Variants in MAPKBP1 observed in about 807,000 individuals in gnomAD.
MAPKBP1 encodes the protein mitogen-activated protein kinase-binding protein 1.
Under a neutral mutation model 170.5 loss-of-function variants are expected in MAPKBP1, and 71 were observed. The observed-to-expected ratio is 0.42, with a 90% CI of 0.34 to 0.51. The LOEUF is 0.51. Among genes scored for constraint, MAPKBP1 ranks in the 20% least tolerant of loss-of-function variants. The pLI, the probability that MAPKBP1 is intolerant of heterozygous loss-of-function variation, is 0.06. For missense variants in MAPKBP1, 1,598 were observed against 1,933.0 expected (o/e 0.83, Z 3.25); for synonymous variants, 719 against 757.9 (o/e 0.95, Z 0.84).
intron 2 of MAPKBP1, among the ~76,000 whole-genome samples, chr15:41,794,075 T>A (rs1462809256): frequency 6.6e-6 from 1 of 151,848 alleles, no homozygotes; most frequent in Non-Finnish European, 1.5e-5. Context: ...CCACTAAAAA[T>A]ACAAAAATTA....
rs1259897137 is a variant in MAPKBP1 at position 41,827,794 on chromosome 15, G to C, written c.*2358G>C. ...CTCGGCTGCATGGGGCGGGGGCGCT[G>C]TTTTTAACGTGCCCGTTTGTACTGA... On this transcript the variant is annotated 3_prime_UTR_variant, in exon 31 of 31. Coordinates refer to ENST00000457542, the MANE Select transcript of MAPKBP1 (RefSeq NM_014994.3). The C allele has an allele frequency of 7.4e-6, 2 of 270,010 alleles. No homozygotes were observed. Among genetic ancestry groups the C allele is most frequent in the Admixed American group, 5.4e-5 (1 of 18,514 alleles). 16.7% of individuals were successfully genotyped at this position (270,010 alleles called of 1,614,324 possible).
intron 3 of MAPKBP1, among the ~76,000 whole-genome samples, chr15:41,802,016 T>G (rs1310422623): frequency 6.6e-6 from 1 of 152,174 alleles, no homozygotes; most frequent in Non-Finnish European, 1.5e-5. Flanking sequence ...TATAGCCTAC[T>G]ACATACCTAG....
At chr15:41,813,341 C>T (rs766778508) in intron 8 of MAPKBP1, 3 of 1,527,992 alleles carry the variant, frequency 2.0e-6, no homozygotes, top group Middle Eastern at 1.7e-4. Flanking sequence ...ACATAGACAG[C>T]TTCACAGTAA....
At chr15:41,810,170 C>T (rs1054751326) in intron 3 of MAPKBP1, among the ~76,000 whole-genome samples, 4 of 152,234 alleles carry the variant, frequency 2.6e-5, no homozygotes, top group Non-Finnish European at 5.9e-5. Context: ...AGCCTGTGAA[C>T]GGGCTGTGCA....
intron 3 of MAPKBP1, among the ~76,000 whole-genome samples, chr15:41,806,778 G>A (rs943558065): frequency 1.3e-5 from 2 of 152,206 alleles, no homozygotes; most frequent in African/African-American, 4.8e-5. Context: ...AGGGTCAGGG[G>A]ATGTGGAGAG....
At chr15:41,790,773 T>C (rs890454852) in intron 2 of MAPKBP1, among the ~76,000 whole-genome samples, 7 of 152,236 alleles carry the variant, frequency 4.6e-5, no homozygotes, top group African/African-American at 1.7e-4. Flanking sequence ...CTTCTTCAGC[T>C]GGCCATTGTG....
At chr15:41,799,754 A>G (rs2064556841) in intron 2 of MAPKBP1, 69 bp from the exon 3 acceptor site, 5 of 1,309,928 alleles carry the variant, frequency 3.8e-6, no homozygotes, top group Admixed American at 3.4e-5. Context: ...GATGGTCCCA[A>G]GTACCTTCAG....
At chr15:41,782,225 G>GC (rs2064202544) in intron 2 of MAPKBP1, among the ~76,000 whole-genome samples, 1 of 141,536 alleles carries the variant, frequency 7.1e-6, no homozygotes, top group South Asian at 2.2e-4. Flanking sequence ...TCGCGCCACT[G>GC]CCCTCCAGCC....
intron 12 of MAPKBP1, 146 bp downstream of exon 12, chr15:41,815,945 C>T (rs112640094): frequency 1.3e-6 from 1 of 791,156 alleles, no homozygotes; most frequent in Non-Finnish European, 2.0e-6. Flanking sequence ...AATGAGTAAA[C>T]CTAGCAGAAA....
intron 3 of MAPKBP1, among the ~76,000 whole-genome samples, chr15:41,808,109 T>C (rs138165134): frequency 0.046 from 6,392 of 139,954 alleles, 225 homozygotes; most frequent in African/African-American, 0.12. Flanking sequence ...TTCTTTCTTT[T>C]TTTTTTTTTT....
rs753055378 is a variant in MAPKBP1 at position 41,817,488 on chromosome 15, C to T, written c.1782+30C>T. Reference sequence around the variant, plus strand: ...GGGCGCTGGGCTTTCCTGAGAGGGGCGGGACAGGGCGGGGTCTGCCATTCC... The same window carrying T: ...GGGCGCTGGGCTTTCCTGAGAGGGGTGGGACAGGGCGGGGTCTGCCATTCC... On this transcript the variant is annotated intron_variant, in intron 15 of 30. Coordinates refer to ENST00000457542, the MANE Select transcript of MAPKBP1 (RefSeq NM_014994.3). The surrounding 1 kb of genome is among the most constrained non-coding windows in gnomAD (Gnocchi z 4.2). 3.0e-5 allele frequency: 17 copies of T among 558,340 alleles called. No homozygotes were observed. The highest frequency in any genetic ancestry group is 1.7e-4 in the East Asian group (3 of 18,162). 34.6% of individuals were successfully genotyped at this position (558,340 alleles called of 1,614,324 possible).
intron 9 of MAPKBP1, 62 bp downstream of exon 9, chr15:41,813,843 C>T: frequency 6.6e-7 from 1 of 1,504,118 alleles, no homozygotes; most frequent in East Asian, 2.3e-5. Context: ...TCTTTCTTGT[C>T]AGTGCCTCAG....
chr15:41,795,163 CAA>C (rs57214059), intron 2 of MAPKBP1, among the ~76,000 whole-genome samples: 66,673 of 112,954 alleles, frequency 0.59, 17,656 homozygotes, highest in East Asian at 0.91. Flanking sequence ...AACCCTGTCT[CAA>C]AAAAAAAAAA....
intron 3 of MAPKBP1, among the ~76,000 whole-genome samples, chr15:41,801,842 T>A (rs1041795178): frequency 3.3e-5 from 5 of 151,950 alleles, no homozygotes; most frequent in African/African-American, 1.2e-4. Context: ...AAAGAGAGAC[T>A]CTGTCTTAAA....
At chr15:41,800,788 T>G (rs1054836566) in intron 3 of MAPKBP1, among the ~76,000 whole-genome samples, 1 of 152,214 alleles carries the variant, frequency 6.6e-6, no homozygotes, top group African/African-American at 2.4e-5. Flanking sequence ...GGCTTCTTTT[T>G]GTTGCCCAGC....
Position 41,815,884 on chromosome 15 carries a change from A to G in MAPKBP1, c.1493+85A>G, listed in dbSNP as rs2064882510. The G allele has an allele frequency of 5.7e-6, 8 of 1,395,344 alleles. No individual in the cohort carries two copies. The South Asian group carries it at 1.1e-4, about 19-fold the overall frequency. 86.4% of individuals were successfully genotyped at this position (1,395,344 alleles called of 1,614,324 possible). A position where few individuals can be genotyped will look rare whatever the true frequency, so the allele number is the denominator to read the frequency against. On this transcript the variant is annotated intron_variant, in intron 12 of 30. Transcript: ENST00000457542. The stretch of plus-strand genomic sequence containing the variant: ...GAACTTTAGGGAGGGTTTGGCTCAA[A>G]AAGATTGGGCAACAAGATACTTATT...
chr15:41,788,203 G>T (rs1380645246), intron 2 of MAPKBP1, among the ~76,000 whole-genome samples: 1 of 152,022 alleles, frequency 6.6e-6, no homozygotes, highest in African/African-American at 2.4e-5. Flanking sequence ...TGATGCACCC[G>T]CCTCGGCCTC....
chr15:41,795,192 AAAG>A (rs2064467092), intron 2 of MAPKBP1, among the ~76,000 whole-genome samples: 1 of 151,766 alleles, frequency 6.6e-6, no homozygotes, highest in South Asian at 2.1e-4. Context: ...GAAAAAGAAA[AAAG>A]AAAAACTAAG....
In MAPKBP1 at chr15:41,817,344, T is replaced by C; in HGVS notation, c.1712-44T>C. 6.3e-7 allele frequency: 1 copy of C among 1,581,370 alleles called. No homozygotes were observed. The highest frequency in any genetic ancestry group is 8.7e-7 in the Non-Finnish European group (1 of 1,150,096). ...GAAGGTGGGAGGCAGGCTGCTCCCA[T>C]GTGGTGAGAACAGTGGGAACAGCTG... is the stretch of plus-strand genomic sequence containing the variant. On this transcript the variant is annotated intron_variant, in intron 14 of 30. Coordinates refer to ENST00000457542, the MANE Select transcript of MAPKBP1 (RefSeq NM_014994.3). This position sits in a 1 kb window ranked among gnomAD's most constrained non-coding sequence, Gnocchi z 4.2.
Sources: allele counts gnomAD v4.1 joint callset (sites outside exome capture counted in the v4.1 genomes callset), GRCh38; gene constraint gnomAD v4.1.1; non-coding constraint Gnocchi (gnomAD v3.1); transcripts MANE v1.5; gene names NCBI Gene and HGNC (gene_info 2026-07-23, HGNC 2026-07-21).